Variants in PCDHAC1 observed in about 807,000 individuals in gnomAD.
The protein encoded by PCDHAC1 is protocadherin alpha-C1.
Under a neutral mutation model 60.0 loss-of-function variants are expected in PCDHAC1, and 42 were observed. The ratio of observed to expected loss-of-function variants is 0.70; its 90% CI spans 0.55 to 0.90. The LOEUF is 0.90. Among genes scored for constraint, PCDHAC1 ranks in the 40% least tolerant of loss-of-function variants. The probability of loss-of-function intolerance (pLI) is 0.00; values close to 1 mark genes in which losing one functional copy is unlikely to be tolerated. For synonymous variants in PCDHAC1, 468 were observed against 499.3 expected (o/e 0.94, Z 0.84); for missense variants, 1,160 against 1,222.3 (o/e 0.95, Z 0.76).
At chr5:140,974,712 G>C (rs999445044) in intron 1 of PCDHAC1, among the ~76,000 whole-genome samples, 1 of 152,076 alleles carries the variant, frequency 6.6e-6, no homozygotes, top group African/African-American at 2.4e-5. Flanking sequence ...TGTTGTTCAA[G>C]CTGCTCTCGA....
intron 1 of PCDHAC1, chr5:140,967,963 A>C (rs1554230144): frequency 6.2e-7 from 1 of 1,614,210 alleles, no homozygotes; most frequent in South Asian, 1.1e-5. Context: ...CCAACCGGAA[A>C]GTGAGCCTGG....
intron 1 of PCDHAC1, among the ~76,000 whole-genome samples, chr5:140,944,520 T>G (rs1554216391): frequency 6.6e-6 from 1 of 152,140 alleles, no homozygotes; most frequent in Non-Finnish European, 1.5e-5. Flanking sequence ...TATTTTGTGC[T>G]TTAAATGATT....
At chr5:140,978,455 G>A (rs782473387) in intron 1 of PCDHAC1, among the ~76,000 whole-genome samples, 21 of 152,302 alleles carry the variant, frequency 1.4e-4, no homozygotes, top group Non-Finnish European at 2.8e-4. Context: ...GGGCACATCC[G>A]CCCTGGGTCA....
rs1305533270 is a variant in PCDHAC1, at chr5:141,000,401, A to C, written c.2582-9226A>C. Among the ~76,000 whole-genome samples the C allele has an allele frequency of 8.1e-3, 613 of 75,996 alleles. 4 individuals are homozygous for C. The highest frequency in any genetic ancestry group is 0.017 in the East Asian group (44 of 2,548). The allele number at this position is 75,996 out of a possible 152,430, so 49.9% of individuals were successfully genotyped here. A position where few individuals can be genotyped will look rare whatever the true frequency, so the allele number is the denominator to read the frequency against. On this transcript the variant is annotated intron_variant, in intron 3 of 3. Transcript: ENST00000253807. Reference sequence around the variant, plus strand: ...TCTCTCTCTCTCTCTCTCTCTATATATATATATATATATATATATATTTTT... The same window carrying C: ...TCTCTCTCTCTCTCTCTCTCTATATCTATATATATATATATATATATTTTT...
intron 3 of PCDHAC1, among the ~76,000 whole-genome samples, chr5:140,983,234 G>C (rs1021819523): frequency 6.6e-6 from 1 of 152,196 alleles, no homozygotes; most frequent in Non-Finnish European, 1.5e-5. Context: ...TTTCAGGAAA[G>C]AGAACCTGCT....
intron 2 of PCDHAC1, among the ~76,000 whole-genome samples, chr5:140,981,822 G>A (rs1229465317): frequency 6.6e-6 from 1 of 151,926 alleles, no homozygotes; most frequent in Non-Finnish European, 1.5e-5. Flanking sequence ...ATCTCTGCTT[G>A]CCTCTAAAGG....
At chr5:140,967,085 C>T in intron 1 of PCDHAC1, 1 of 1,613,198 alleles carries the variant, frequency 6.2e-7, no homozygotes, top group Non-Finnish European at 8.5e-7. Context: ...GCGCATTGAT[C>T]GGGAGGCGCT....
intron 3 of PCDHAC1, among the ~76,000 whole-genome samples, chr5:141,008,133 A>G (rs782089475): frequency 6.6e-6 from 1 of 152,208 alleles, no homozygotes; most frequent in Non-Finnish European, 1.5e-5. Context: ...GGGGATGACA[A>G]ATGCTGCTGA....
At chr5:140,945,131 A>C (rs1484443084) in intron 1 of PCDHAC1, among the ~76,000 whole-genome samples, 1 of 152,202 alleles carries the variant, frequency 6.6e-6, no homozygotes, top group Non-Finnish European at 1.5e-5. Context: ...CAACTTACAA[A>C]AATCAATAGC....
intron 3 of PCDHAC1, among the ~76,000 whole-genome samples, chr5:140,994,850 CAT>C (rs10584145): frequency 0.01 from 1,553 of 152,082 alleles, 27 homozygotes; most frequent in African/African-American, 0.036. Flanking sequence ...AAGATGAGTG[CAT>C]TTGATGGATG....
intron 1 of PCDHAC1, among the ~76,000 whole-genome samples, chr5:140,940,004 A>AT (rs1326829458): frequency 2.6e-5 from 4 of 152,120 alleles, no homozygotes; most frequent in Admixed American, 1.3e-4. Context: ...GATTTTGTCA[A>AT]TTTTTTGTGT....
At chr5:140,983,239 C>A (rs557831259) in intron 3 of PCDHAC1, among the ~76,000 whole-genome samples, 53 of 152,294 alleles carry the variant, frequency 3.5e-4, no homozygotes, top group African/African-American at 1.2e-3. Context: ...GGAAAGAGAA[C>A]CTGCTAAGTT....
Position 140,968,026 on chromosome 5 carries a change from A to G in PCDHAC1, c.2434-10923A>G, listed in dbSNP as rs570318168. 9.3e-6 allele frequency: 15 copies of G among 1,614,066 alleles called. No individual in the cohort carries two copies. In the Admixed American group the frequency reaches 1.8e-4, roughly 20 times the overall value. On this transcript the variant is annotated intron_variant, in intron 1 of 3. Transcript: ENST00000253807. ...TGAATGGCTTTGGAAACTCCTATACACTGGTGGTGAGCGGCCCACTGGACC... is the reference window on the plus strand; with the variant it reads ...TGAATGGCTTTGGAAACTCCTATACGCTGGTGGTGAGCGGCCCACTGGACC...
chr5:140,957,014 G>A (rs2095325954), intron 1 of PCDHAC1, among the ~76,000 whole-genome samples: 1 of 152,124 alleles, frequency 6.6e-6, no homozygotes, highest in South Asian at 2.1e-4. Flanking sequence ...ATTTCTCAGT[G>A]AGCATTTAGA....
At chr5:140,968,442 T>C in intron 1 of PCDHAC1, 1 of 1,614,068 alleles carries the variant, frequency 6.2e-7, no homozygotes, top group Non-Finnish European at 8.5e-7. Flanking sequence ...AGCCCACCAC[T>C]GAGCAGCACT....
chr5:140,974,636 C>T (rs1208653634), intron 1 of PCDHAC1, among the ~76,000 whole-genome samples: 2 of 152,054 alleles, frequency 1.3e-5, no homozygotes, highest in African/African-American at 4.8e-5. Flanking sequence ...CTCAACCTCC[C>T]GAGTAGCTGA....
At chr5:140,997,062 G>T (rs1159348962) in intron 3 of PCDHAC1, among the ~76,000 whole-genome samples, 2 of 151,910 alleles carry the variant, frequency 1.3e-5, no homozygotes, top group African/African-American at 4.8e-5. Flanking sequence ...GCAGTTTTAG[G>T]TTCACAGGAA....
intron 1 of PCDHAC1, among the ~76,000 whole-genome samples, chr5:140,933,543 A>C (rs888580290): frequency 6.6e-6 from 1 of 152,092 alleles, no homozygotes; most frequent in Non-Finnish European, 1.5e-5. Flanking sequence ...AATAATGTTA[A>C]TATAAAATAA....
chr5:140,972,350 A>G (rs897251940), intron 1 of PCDHAC1, among the ~76,000 whole-genome samples: 3 of 150,008 alleles, frequency 2.0e-5, no homozygotes, highest in Admixed American at 1.3e-4. Flanking sequence ...GGGTCTCACT[A>G]TGTTGCACAT....
Sources: gnomAD v4.1 joint callset for allele counts (sites outside exome capture counted in the v4.1 genomes callset) on GRCh38, gnomAD v4.1.1 for gene constraint, MANE v1.5 for transcripts, NCBI Gene and HGNC (gene_info 2026-07-23, HGNC 2026-07-21) for gene names.